Variants in SNTG2 observed in about 807,000 individuals in gnomAD.
SNTG2 encodes gamma-2-syntrophin.
A neutral mutation model predicts 70.9 loss-of-function variants in SNTG2; 74 were observed. The observed-to-expected ratio is 1.04, with a 90% CI of 0.86 to 1.27. SNTG2 has a LOEUF of 1.27. Among genes scored for constraint, SNTG2 ranks in the 50% most tolerant of loss-of-function variants. The probability of loss-of-function intolerance (pLI) is 0.00; values close to 1 mark genes in which losing one functional copy is unlikely to be tolerated. For synonymous variants in SNTG2, 278 were observed against 273.8 expected, an observed-to-expected ratio of 1.02 and a Z score of -0.15; for missense variants, 717 against 690.7, an observed-to-expected ratio of 1.04 and a Z score of -0.43.
At chr2:1,083,698 G>C in intron 2 of SNTG2, 43 bp downstream of exon 2, 1 of 1,609,176 alleles carries the variant, frequency 6.2e-7, no homozygotes, top group Non-Finnish European at 8.5e-7. Context: ...TGTTTCGGAC[G>C]AGCCCCATGA....
intron 1 of SNTG2, among the ~76,000 whole-genome samples, chr2:966,126 GC>G (rs1660557599): frequency 6.6e-6 from 1 of 152,214 alleles, no homozygotes; most frequent in East Asian, 1.9e-4. Flanking sequence ...CTCTTGTGGG[GC>G]CTGGACCAGA....
chr2:1,096,383 A>G (rs761478878), intron 2 of SNTG2, among the ~76,000 whole-genome samples: 1 of 152,182 alleles, frequency 6.6e-6, no homozygotes, highest in Non-Finnish European at 1.5e-5. Flanking sequence ...TTTTAAGGAA[A>G]TATGGTATTA....
intron 1 of SNTG2, among the ~76,000 whole-genome samples, chr2:963,178 C>A (rs1239584436): frequency 6.6e-6 from 1 of 151,740 alleles, no homozygotes; most frequent in African/African-American, 2.4e-5. Flanking sequence ...ACATTAACAT[C>A]ATTAACATAA....
intron 1 of SNTG2, among the ~76,000 whole-genome samples, chr2:954,985 A>G (rs889938120): frequency 1.3e-5 from 2 of 152,234 alleles, no homozygotes; most frequent in African/African-American, 2.4e-5. Context: ...TTAATTTAGC[A>G]AAGACTTTGG....
chr2:1,172,447 A>G (rs966543783), intron 7 of SNTG2, among the ~76,000 whole-genome samples: 1 of 152,214 alleles, frequency 6.6e-6, no homozygotes, highest in Admixed American at 6.5e-5. Context: ...GGAAGGGACA[A>G]TAAAGGAACA....
Position 1,358,478 on chromosome 2 carries a change from G to C in SNTG2, c.1489-8865G>C, listed in dbSNP as rs921352707. On this transcript the variant is annotated intron_variant, in intron 16 of 16. Transcript: ENST00000308624. The stretch of plus-strand genomic sequence containing the variant: ...TTTATTTGAAATCTTTTTTAACATA[G>C]GTGTTTACCACCATAAACTTCCCTC... Among the ~76,000 whole-genome samples the C allele has an allele frequency of 4.0e-5, 6 of 151,712 alleles. No homozygotes were observed. The South Asian group carries it at 1.2e-3, about 32-fold the overall frequency.
intron 12 of SNTG2, among the ~76,000 whole-genome samples, chr2:1,258,696 G>T (rs887029983): frequency 2.0e-5 from 3 of 152,114 alleles, no homozygotes; most frequent in Non-Finnish European, 4.4e-5. Flanking sequence ...GAATATTTTA[G>T]ATTTTTCTGC....
At chr2:1,306,241 G>C (rs1460947388) in intron 14 of SNTG2, among the ~76,000 whole-genome samples, 1 of 152,104 alleles carries the variant, frequency 6.6e-6, no homozygotes, top group Non-Finnish European at 1.5e-5. Flanking sequence ...ATTTGTGACC[G>C]CCGGCTGTGT....
At chr2:1,073,552 A>G (rs149073996) in intron 1 of SNTG2, among the ~76,000 whole-genome samples, 4 of 152,352 alleles carry the variant, frequency 2.6e-5, no homozygotes, top group Non-Finnish European at 4.4e-5. Context: ...TGGGAAACCA[A>G]AAAACTGTGT....
intron 1 of SNTG2, among the ~76,000 whole-genome samples, chr2:1,050,896 AG>A (rs1219464627): frequency 2.0e-5 from 3 of 152,192 alleles, no homozygotes; most frequent in Non-Finnish European, 2.9e-5. Flanking sequence ...ATCTTTCATT[AG>A]ATTTATTTCT....
intron 6 of SNTG2, among the ~76,000 whole-genome samples, chr2:1,162,038 C>T (rs530442695): frequency 5.8e-5 from 8 of 138,688 alleles, no homozygotes; most frequent in South Asian, 2.3e-4. Context: ...GGCGCCACTG[C>T]ACTCCAGCCT....
chr2:1,342,223 T>C (rs1253057047), intron 16 of SNTG2, among the ~76,000 whole-genome samples: 3 of 89,428 alleles, frequency 3.4e-5, no homozygotes, highest in Admixed American at 3.0e-4. Context: ...TTGTTATGAA[T>C]TATGTTATGA....
At chr2:985,105 A>AAT (rs1661261351) in intron 1 of SNTG2, among the ~76,000 whole-genome samples, 1 of 152,062 alleles carries the variant, frequency 6.6e-6, no homozygotes, top group Admixed American at 6.6e-5. Flanking sequence ...CTGAAAAGCA[A>AAT]ATATATATCA....
At chr2:1,179,233 G>A (rs1299852257) in intron 8 of SNTG2, among the ~76,000 whole-genome samples, 1 of 151,738 alleles carries the variant, frequency 6.6e-6, no homozygotes, top group Admixed American at 6.6e-5. Context: ...TATCAATTTT[G>A]TTGATCCTTT....
chr2:1,249,660 G>A (rs1677643115), intron 12 of SNTG2, among the ~76,000 whole-genome samples: 1 of 152,158 alleles, frequency 6.6e-6, no homozygotes, highest in South Asian at 2.1e-4. Context: ...CTTTCCTTCA[G>A]TATTCATTTG....
intron 8 of SNTG2, among the ~76,000 whole-genome samples, chr2:1,180,603 C>T (rs1221441768): frequency 6.7e-6 from 1 of 148,218 alleles, no homozygotes; most frequent in Admixed American, 6.8e-5. Flanking sequence ...AATAGGAACA[C>T]TTTTACACTG....
At chr2:1,139,397 A>T (rs996789538) in intron 6 of SNTG2, among the ~76,000 whole-genome samples, 10 of 152,064 alleles carry the variant, frequency 6.6e-5, no homozygotes, top group Non-Finnish European at 7.4e-5. Context: ...ATGCCTGGTT[A>T]ATTTTTGTAG....
intron 7 of SNTG2, among the ~76,000 whole-genome samples, chr2:1,167,401 C>T (rs544864927): frequency 6.7e-6 from 1 of 148,758 alleles, no homozygotes; most frequent in African/African-American, 2.5e-5. Context: ...ACAGGCCGCC[C>T]ACAGACGGCA....
At chr2:1,031,528 A>ATATATATATATATTTTTTTTTTT in intron 1 of SNTG2, among the ~76,000 whole-genome samples, 83 of 59,056 alleles carry the variant, frequency 1.4e-3, no homozygotes, top group Non-Finnish European at 2.1e-3. Context: ...ATATATATAT[A>ATATATATATATATTTTTTTTTTT]TTTTTTTTTT....
Sources: gnomAD v4.1 joint callset for allele counts (sites outside exome capture counted in the v4.1 genomes callset) on GRCh38, gnomAD v4.1.1 for gene constraint, MANE v1.5 for transcripts, NCBI Gene and HGNC (gene_info 2026-07-23, HGNC 2026-07-21) for gene names.